PRKG1: variants seen among roughly 807,000 people sequenced by gnomAD.
PRKG1 encodes cGMP-dependent protein kinase 1.
Under a neutral mutation model 88.1 loss-of-function variants are expected in PRKG1, and 35 were observed. The ratio of observed to expected loss-of-function variants is 0.40; its 90% CI spans 0.30 to 0.53. The LOEUF (loss-of-function observed/expected upper bound fraction) is 0.53. Among genes scored for constraint, PRKG1 ranks in the 20% least tolerant of loss-of-function variants. PRKG1 has a pLI of 0.59. For synonymous variants in PRKG1, 303 were observed against 292.5 expected, an observed-to-expected ratio of 1.04 and a Z score of -0.37; for missense variants, 540 against 839.8, an observed-to-expected ratio of 0.64 and a Z score of 4.41.
intron 1 of PRKG1, among the ~76,000 whole-genome samples, chr10:51,043,111 C>A (rs1843445641): frequency 6.6e-6 from 1 of 152,144 alleles, no homozygotes; most frequent in African/African-American, 2.4e-5. Flanking sequence ...AGCCTTTATA[C>A]TTCCTTACTG....
intron 14 of PRKG1, 77 bp from the exon 15 acceptor site, chr10:52,288,649 T>G: frequency 7.1e-7 from 1 of 1,403,682 alleles, no homozygotes; most frequent in Non-Finnish European, 9.6e-7. Flanking sequence ...ATGTCATCTG[T>G]GGAGTTTATA....
chr10:51,396,473 T>C (rs566695741), intron 2 of PRKG1, among the ~76,000 whole-genome samples: 1 of 152,142 alleles, frequency 6.6e-6, no homozygotes, highest in East Asian at 1.9e-4. Context: ...TAAGTAAAAC[T>C]AAAAGAAGTT....
At chr10:51,050,656 G>C (rs1843549133) in intron 1 of PRKG1, among the ~76,000 whole-genome samples, 1 of 152,086 alleles carries the variant, frequency 6.6e-6, no homozygotes, top group Non-Finnish European at 1.5e-5. Flanking sequence ...CCTGATTTCA[G>C]TTCCTCTGGC....
At chr10:51,907,012 C>T (rs1264981815) in intron 4 of PRKG1, among the ~76,000 whole-genome samples, 2 of 152,048 alleles carry the variant, frequency 1.3e-5, no homozygotes, top group South Asian at 4.1e-4. Context: ...ATTTCTATTT[C>T]TATTTGAATG....
intron 3 of PRKG1, among the ~76,000 whole-genome samples, chr10:51,655,325 C>G (rs998565676): frequency 1.3e-5 from 2 of 151,898 alleles, no homozygotes; most frequent in African/African-American, 4.8e-5. Flanking sequence ...TGAACCTAAC[C>G]AGGAAAATAT....
At chr10:52,081,296 G>A (rs1361323799) in intron 7 of PRKG1, among the ~76,000 whole-genome samples, 1 of 152,114 alleles carries the variant, frequency 6.6e-6, no homozygotes, top group Admixed American at 6.6e-5. Flanking sequence ...CATTATCTGA[G>A]CTAGCTACTT....
At chr10:51,731,578 A>T (rs1842271902) in intron 3 of PRKG1, among the ~76,000 whole-genome samples, 1 of 152,238 alleles carries the variant, frequency 6.6e-6, no homozygotes, top group African/African-American at 2.4e-5. Flanking sequence ...GAGACAAACC[A>T]TCAAGAAGAG....
intron 2 of PRKG1, among the ~76,000 whole-genome samples, chr10:51,267,053 T>C (rs1199601021): frequency 1.3e-5 from 2 of 152,164 alleles, no homozygotes; most frequent in Non-Finnish European, 2.9e-5. Context: ...CCAACTCCAC[T>C]AACCATGATT....
chr10:51,321,085 T>A (rs1417230209), intron 2 of PRKG1, among the ~76,000 whole-genome samples: 2 of 152,186 alleles, frequency 1.3e-5, no homozygotes, highest in African/African-American at 4.8e-5. Flanking sequence ...AAATTTTGTT[T>A]AAATTTTTTT....
At chr10:51,152,976 CTTT>C (rs1283273580) in intron 1 of PRKG1, among the ~76,000 whole-genome samples, 185 bp from the exon 2 acceptor site, 1 of 112,684 alleles carries the variant, frequency 8.9e-6, no homozygotes, top group Non-Finnish European at 1.8e-5. Flanking sequence ...TTCTTAGTGC[CTTT>C]TTTTTTTTTT....
chr10:51,733,475 A>T (rs1326300299), intron 3 of PRKG1, among the ~76,000 whole-genome samples: 2 of 152,212 alleles, frequency 1.3e-5, no homozygotes, highest in African/African-American at 4.8e-5. Context: ...AATAAATCTG[A>T]ACCAATGATC....
intron 5 of PRKG1, among the ~76,000 whole-genome samples, chr10:52,050,850 T>C (rs1845972104): frequency 6.6e-6 from 1 of 152,192 alleles, no homozygotes; most frequent in Admixed American, 6.5e-5. Flanking sequence ...TTCAACTCTT[T>C]AAGATGAAGA....
At chr10:51,055,290 G>C (rs1843613089) in intron 1 of PRKG1, among the ~76,000 whole-genome samples, 2 of 152,046 alleles carry the variant, frequency 1.3e-5, no homozygotes, top group Admixed American at 6.6e-5. Context: ...ATCAGAGTTA[G>C]AGGAATTGGA....
intron 1 of PRKG1, among the ~76,000 whole-genome samples, chr10:51,083,307 C>CT (rs1844160650): frequency 6.6e-6 from 1 of 152,186 alleles, no homozygotes; most frequent in African/African-American, 2.4e-5. Flanking sequence ...TTAGGATCAG[C>CT]TTTCATCCCA....
chr10:51,902,604 T>A (rs1004902884), intron 4 of PRKG1, among the ~76,000 whole-genome samples: 1 of 152,136 alleles, frequency 6.6e-6, no homozygotes, highest in Non-Finnish European at 1.5e-5. Flanking sequence ...TTCAAAAGAA[T>A]GACCTAGTGG....
chr10:51,569,067 C>T (rs1475621675), intron 3 of PRKG1, among the ~76,000 whole-genome samples: 1 of 151,956 alleles, frequency 6.6e-6, no homozygotes, highest in Non-Finnish European at 1.5e-5. Context: ...GAGCTGTTAA[C>T]CCTATACCAA....
intron 3 of PRKG1, among the ~76,000 whole-genome samples, chr10:51,547,831 A>G (rs147925492): frequency 5.9e-5 from 9 of 152,240 alleles, no homozygotes; most frequent in African/African-American, 2.2e-4. Context: ...ACGTGCAATT[A>G]ATGTTACCTT....
At chr10:51,183,675 A>G (rs185854582) in intron 2 of PRKG1, among the ~76,000 whole-genome samples, 120 of 152,204 alleles carry the variant, frequency 7.9e-4, no homozygotes, top group Non-Finnish European at 1.5e-3. Flanking sequence ...TTGCATTTCC[A>G]TTGCATTTTT....
At chr10:51,935,012 G>T (rs2133013875) in intron 5 of PRKG1, among the ~76,000 whole-genome samples, 1 of 152,214 alleles carries the variant, frequency 6.6e-6, no homozygotes, top group East Asian at 1.9e-4. Context: ...TAAGCAGGAT[G>T]GTTCCGGCAA....
Sources: allele counts gnomAD v4.1 joint callset (sites outside exome capture counted in the v4.1 genomes callset), GRCh38; gene constraint gnomAD v4.1.1; transcripts MANE v1.5; gene names NCBI Gene and HGNC (gene_info 2026-07-23, HGNC 2026-07-21).